ATP2B2: variants seen among roughly 807,000 people sequenced by gnomAD.
The protein encoded by ATP2B2 is ATPase plasma membrane Ca2+ transporting 2, also known as plasma membrane calcium-transporting ATPase 2.
ATP2B2 carries 15 observed loss-of-function variants against 120.0 expected under a neutral mutation model. The ratio of observed to expected loss-of-function variants is 0.12; its 90% CI spans 0.08 to 0.19. ATP2B2 has a LOEUF of 0.19. Ranked by LOEUF, ATP2B2 falls within the 10% of genes least tolerant of loss-of-function variation. The pLI is 1.00. For missense variants in ATP2B2, 1,045 were observed against 1,719.8 expected (o/e 0.61, Z 6.94); for synonymous variants, 694 against 700.3 (o/e 0.99, Z 0.14).
At chr3:10,589,745 A>G (rs915885714) in intron 2 of ATP2B2, among the ~76,000 whole-genome samples, 1 of 152,246 alleles carries the variant, frequency 6.6e-6, no homozygotes, top group African/African-American at 2.4e-5. Context: ...GAATGGCTAA[A>G]GTAATAATGA....
intron 1 of ATP2B2, among the ~76,000 whole-genome samples, chr3:10,647,352 T>C (rs2125660112): frequency 6.6e-6 from 1 of 152,282 alleles, no homozygotes; most frequent in Non-Finnish European, 1.5e-5. Context: ...TGCTGACATC[T>C]CACCGTGAGA....
At position 10,505,447 on chromosome 3, in the gene ATP2B2, G is replaced by C. The variant is rs560389314; in HGVS notation, c.-320+18C>G. ...TTTTATTTTTTATTTTCTCATGCTGGGGGATGCCGGTACTTACTTGGCTAT... is the reference window on the plus strand; with the variant it reads ...TTTTATTTTTTATTTTCTCATGCTGCGGGATGCCGGTACTTACTTGGCTAT... On this transcript the variant is annotated intron_variant, in intron 1 of 22. Transcript: ENST00000360273. The C allele has an allele frequency of 6.6e-6, 1 of 151,844 alleles. No homozygotes were observed. Among genetic ancestry groups the C allele is most frequent in the Non-Finnish European group, 1.5e-5 (1 of 67,966 alleles). 9.4% of individuals were successfully genotyped at this position (151,844 alleles called of 1,614,324 possible).
chr3:10,532,949 G>T (rs9846514), intron 3 of ATP2B2, among the ~76,000 whole-genome samples: 6,109 of 152,280 alleles, frequency 0.04, 307 homozygotes, highest in African/African-American at 0.11. Flanking sequence ...TTTGTGAAAA[G>T]GGCTAATGGC....
intron 8 of ATP2B2, among the ~76,000 whole-genome samples, chr3:10,379,974 AG>A (rs1348690979): frequency 6.6e-6 from 1 of 152,188 alleles, no homozygotes. Context: ...AAGAGTGATC[AG>A]GGGTCCCCAT....
intron 1 of ATP2B2, among the ~76,000 whole-genome samples, chr3:10,466,941 C>A (rs1249647366): frequency 2.0e-5 from 3 of 152,262 alleles, no homozygotes; most frequent in Admixed American, 6.5e-5. Context: ...GCTGGTCACA[C>A]CCACCATGGG....
chr3:10,526,316 C>T (rs2067090442), intron 3 of ATP2B2, among the ~76,000 whole-genome samples: 1 of 152,208 alleles, frequency 6.6e-6, no homozygotes, highest in Admixed American at 6.5e-5. Context: ...GCATGACCCC[C>T]AGACTGTCCT....
intron 3 of ATP2B2, among the ~76,000 whole-genome samples, chr3:10,514,660 C>T (rs1033274268): frequency 1.6e-4 from 25 of 152,174 alleles, no homozygotes; most frequent in African/African-American, 4.8e-4. Context: ...ACTCCAGGGC[C>T]GCCTGTTAGC....
At chr3:10,486,324 CGTGTGTGTGT>C (rs1553616064) in intron 1 of ATP2B2, among the ~76,000 whole-genome samples, 7 of 117,088 alleles carry the variant, frequency 6.0e-5, no homozygotes, top group Non-Finnish European at 1.5e-4. Context: ...TGTGTGCGTG[CGTGTGTGTGT>C]GTGTGTGTGT....
At position 10,430,761 on chromosome 3, in the gene ATP2B2, A is replaced by G. The variant is rs141743746; in HGVS notation, c.199+18584T>C. On this transcript the variant is annotated intron_variant, in intron 2 of 22. Transcript: ENST00000360273. ...TCAGCTGAGCGAGAGCCAAGTCCCAAGAGGCCACTGAGTGTCCAGTAAAGA... is the reference window on the plus strand; with the variant it reads ...TCAGCTGAGCGAGAGCCAAGTCCCAGGAGGCCACTGAGTGTCCAGTAAAGA... 2.6e-3 allele frequency among the ~76,000 whole-genome samples: 387 copies of G among 151,462 alleles called. 1 individual carries two copies. Among genetic ancestry groups the G allele is most frequent in the Non-Finnish European group, 3.5e-3 (238 of 67,854 alleles).
At chr3:10,656,683 A>T (rs2070637497) in intron 1 of ATP2B2, among the ~76,000 whole-genome samples, 1 of 152,230 alleles carries the variant, frequency 6.6e-6, no homozygotes, top group Non-Finnish European at 1.5e-5. Context: ...TAGTGGAGAG[A>T]TGCAAAATGG....
intron 1 of ATP2B2, among the ~76,000 whole-genome samples, chr3:10,451,962 A>G (rs373129287): frequency 5.9e-5 from 9 of 152,266 alleles, no homozygotes; most frequent in African/African-American, 2.2e-4. Flanking sequence ...GGTAAATTCT[A>G]TAAGGGTTGA....
intron 2 of ATP2B2, among the ~76,000 whole-genome samples, chr3:10,560,909 T>C (rs1042618490): frequency 1.4e-4 from 22 of 152,296 alleles, no homozygotes; most frequent in African/African-American, 5.3e-4. Context: ...GTGGCCCCAG[T>C]GCACAAGACT....
At chr3:10,445,040 C>CA (rs1450420025) in intron 2 of ATP2B2, among the ~76,000 whole-genome samples, 15 of 152,230 alleles carry the variant, frequency 9.9e-5, no homozygotes, top group Admixed American at 9.8e-4. Flanking sequence ...CCTCTGATGG[C>CA]ATGTTAACTC....
intron 1 of ATP2B2, among the ~76,000 whole-genome samples, chr3:10,625,076 C>T (rs1048061319): frequency 9.9e-5 from 15 of 152,084 alleles, no homozygotes; most frequent in African/African-American, 3.6e-4. Context: ...TAAATAATAC[C>T]ATTGATGTCA....
chr3:10,329,218 G>A lies in ATP2B2; in HGVS notation c.3421-93C>T, dbSNP rs2059917229. 1 of 1,239,012 alleles carries A rather than the reference G, an allele frequency of 8.1e-7. No individual in the cohort carries two copies. The highest frequency in any genetic ancestry group is 1.2e-6 in the Non-Finnish European group (1 of 854,978). The allele number at this position is 1,239,012 out of a possible 1,614,324, so 76.8% of individuals were successfully genotyped here. A position where few individuals can be genotyped will look rare whatever the true frequency, so the allele number is the denominator to read the frequency against. On this transcript the variant is annotated intron_variant, in intron 22 of 22. Coordinates refer to ENST00000360273, the MANE Select transcript of ATP2B2 (RefSeq NM_001001331.4). The surrounding 1 kb of genome is among the most constrained non-coding windows in gnomAD (Gnocchi z 5.9). ...GAGGGGCGGGTGGGAGAAGGGTTAG[G>A]GCAAAGCAGGTGGCTGGAATCCATA...
chr3:10,510,885 C>T (rs1430241406), intron 3 of ATP2B2, among the ~76,000 whole-genome samples: 1 of 152,210 alleles, frequency 6.6e-6, no homozygotes, highest in Non-Finnish European at 1.5e-5. Context: ...AATCCTGACT[C>T]CTAACTGTCC....
At chr3:10,699,093 C>G (rs2071781500) in intron 1 of ATP2B2, among the ~76,000 whole-genome samples, 1 of 152,212 alleles carries the variant, frequency 6.6e-6, no homozygotes, top group African/African-American at 2.4e-5. Flanking sequence ...CATCTTTCTT[C>G]TGTCAGACCC....
intron 1 of ATP2B2, among the ~76,000 whole-genome samples, chr3:10,491,081 C>G (rs2065914670): frequency 6.6e-6 from 1 of 152,132 alleles, no homozygotes; most frequent in Non-Finnish European, 1.5e-5. Flanking sequence ...TGCCCTTGCT[C>G]TGGGTCTCAG....
chr3:10,443,520 T>A (rs1164762508), intron 2 of ATP2B2, among the ~76,000 whole-genome samples: 1 of 152,030 alleles, frequency 6.6e-6, no homozygotes, highest in Admixed American at 6.5e-5. Context: ...GGCTGCCGCA[T>A]TGACCGGGAT....
Sources: gnomAD v4.1 joint callset for allele counts (sites outside exome capture counted in the v4.1 genomes callset) on GRCh38, gnomAD v4.1.1 for gene constraint, Gnocchi (gnomAD v3.1) non-coding constraint, MANE v1.5 for transcripts, NCBI Gene and HGNC (gene_info 2026-07-23, HGNC 2026-07-21) for gene names.